The following SPG11 variants were observed in gnomAD, a reference collection of about 807,000 sequenced individuals.
SPG11 encodes the protein spatacsin.
SPG11 carries 222 observed loss-of-function variants against 274.0 expected under a neutral mutation model. The observed-to-expected ratio is 0.81, with a 90% CI of 0.73 to 0.91. The LOEUF (loss-of-function observed/expected upper bound fraction) is 0.91. Ranked by LOEUF, SPG11 falls within the 40% of genes least tolerant of loss-of-function variation. SPG11 has a pLI of 0.00. For synonymous variants in SPG11, 1,144 were observed against 1,039.7 expected, an observed-to-expected ratio of 1.10 and a Z score of -1.93; for missense variants, 3,114 against 2,872.7, an observed-to-expected ratio of 1.08 and a Z score of -1.92.
Position 44,657,152 on chromosome 15 carries a change from G to T in SPG11, c.812C>A (p.Ala271Glu). 3.7e-6 allele frequency: 6 copies of T among 1,614,184 alleles called. No homozygotes were observed. The highest frequency in any genetic ancestry group is 5.1e-6 in the Non-Finnish European group (6 of 1,180,024). ...SLKVSQDLDV[A>E]VIVSSSNSAV... The stretch of plus-strand genomic sequence containing the variant: ...GGAGTTGGAGGAGCTGACAATCACT[G>T]CAACATCGAGGTCTTGAGAAACTTT... Residue 271 changes from alanine to glutamate, a missense_variant, in exon 4 of 40, where the codon GCA becomes GAA. By Grantham distance (107) the Ala-to-Glu change is moderately radical (BLOSUM62 -1). Coordinates refer to ENST00000261866, the MANE Select transcript of SPG11 (RefSeq NM_025137.4).
At chr15:44,580,078 A>T (rs1247538332) in intron 30 of SPG11, among the ~76,000 whole-genome samples, 1 of 152,236 alleles carries the variant, frequency 6.6e-6, no homozygotes, top group African/African-American at 2.4e-5. Context: ...TACCATTTAA[A>T]AAAATTTTTT....
At chr15:44,604,034 T>G (rs1345862613) in intron 20 of SPG11, 1 of 345,854 alleles carries the variant, frequency 2.9e-6, no homozygotes, top group African/African-American at 2.2e-5. Context: ...TCTTAACCAC[T>G]TACTACCTAT....
intron 7 of SPG11, among the ~76,000 whole-genome samples, chr15:44,636,934 A>AAAAAC (rs1567180435): frequency 6.5e-5 from 8 of 122,434 alleles, no homozygotes; most frequent in South Asian, 2.7e-4. Flanking sequence ...TCAAAAAAAA[A>AAAAAC]AAAAAAAAAA....
chr15:44,601,178 TC>T (rs1003075306), intron 20 of SPG11, among the ~76,000 whole-genome samples: 11 of 152,090 alleles, frequency 7.2e-5, no homozygotes, highest in African/African-American at 2.4e-4. Flanking sequence ...AGTGTGAGAT[TC>T]CTGGTCTTGA....
At chr15:44,618,062 G>A (rs2083635610) in intron 15 of SPG11, among the ~76,000 whole-genome samples, 1 of 152,086 alleles carries the variant, frequency 6.6e-6, no homozygotes, top group Admixed American at 6.5e-5. Context: ...TAACCGCTGG[G>A]ATTTTTACTG....
rs1334291456 is a variant in SPG11, at chr15:44,613,417, A to G, written c.3145+13T>C. 2.6e-6 allele frequency: 4 copies of G among 1,559,860 alleles called. No individual in the cohort carries two copies. Among genetic ancestry groups the G allele is most frequent in the Admixed American group, 3.3e-5 (2 of 59,928 alleles). On this transcript the variant is annotated intron_variant, in intron 17 of 39. Coordinates refer to ENST00000261866, the MANE Select transcript of SPG11 (RefSeq NM_025137.4). The stretch of plus-strand genomic sequence containing the variant: ...CAAAGCAAGTTTCTGTGTTTAATAC[A>G]GTATACCCATACCTGTTAAGTTACT...
At chr15:44,598,493 A>C in intron 22 of SPG11, 120 bp from the exon 23 acceptor site, 1 of 1,252,238 alleles carries the variant, frequency 8.0e-7, no homozygotes, top group Non-Finnish European at 1.2e-6. Flanking sequence ...CAAGAAAGTG[A>C]GACAAAGAAC....
rs748048928 is a variant in SPG11 at position 44,621,934 on chromosome 15, C to T, written c.2445G>A (p.Arg815=). Reference sequence around the variant, plus strand: ...AAAAATCTTGTTCCTTTATCCAGTACCTAAAAACAGTGATATAAATTTTTT... The same window carrying T: ...AAAAATCTTGTTCCTTTATCCAGTATCTAAAAACAGTGATATAAATTTTTT... The part of the protein sequence containing the change: ...QENMQIQSFP[R]YWIKEQDFFK... Residue 815 remains arginine (R), a splice_region_variant and synonymous_variant, in exon 14 of 40, where the codon AGG becomes AGA. Coordinates refer to ENST00000261866, the MANE Select transcript of SPG11 (RefSeq NM_025137.4). The T allele has an allele frequency of 2.8e-5, 45 of 1,605,866 alleles. No homozygotes were observed. The highest frequency in any genetic ancestry group is 3.8e-5 in the Non-Finnish European group (45 of 1,177,130).
Position 44,657,459 on chromosome 15 carries a change from A to C in SPG11, c.668-163T>G, listed in dbSNP as rs550764533. Among the ~76,000 whole-genome samples, 116 of 152,286 alleles carry C rather than the reference A, an allele frequency of 7.6e-4. 1 individual carries two copies. Among genetic ancestry groups the C allele is most frequent in the African/African-American group, 2.7e-3 (111 of 41,564 alleles). ...CCCCCATTATAACAACCAGATGACT[A>C]TGAAGTTGATGCCACAATAAAGAAC... On this transcript the variant is annotated intron_variant, in intron 3 of 39. Transcript: ENST00000261866.
At chr15:44,565,470 A>G (rs1390503654) in intron 38 of SPG11, among the ~76,000 whole-genome samples, 1 of 152,138 alleles carries the variant, frequency 6.6e-6, no homozygotes, top group Non-Finnish European at 1.5e-5. Flanking sequence ...TAGTCCTGTC[A>G]CTGATCTGAC....
intron 7 of SPG11, among the ~76,000 whole-genome samples, chr15:44,644,908 T>A (rs1381731661): frequency 1.3e-5 from 2 of 152,144 alleles, no homozygotes; most frequent in African/African-American, 2.4e-5. Flanking sequence ...AGAACAATGC[T>A]GAAAGAAATC....
chr15:44,570,563 C>G lies in SPG11; in HGVS notation c.6439G>C (p.Asp2147His). 6.2e-7 allele frequency: 1 copy of G among 1,614,154 alleles called. No homozygotes were observed. Among genetic ancestry groups the G allele is most frequent in the East Asian group, 2.2e-5 (1 of 44,882 alleles). Residue 2147 changes from aspartate to histidine, a missense_variant, in exon 34 of 40, where the codon GAT (aspartate) becomes CAT (histidine). Transcript: ENST00000261866. ...RVLQAAHMLT[D>H]NHLAPSEEYG... Reference sequence around the variant, plus strand: ...TCCTCACTGGGGGCCAGGTGGTTATCTGTGAGCATGTGGGCGGCCTGTAGG... The same window carrying G: ...TCCTCACTGGGGGCCAGGTGGTTATGTGTGAGCATGTGGGCGGCCTGTAGG...
chr15:44,595,540 T>C, intron 25 of SPG11, 81 bp from the exon 26 acceptor site: 1 of 1,427,630 alleles, frequency 7.0e-7, no homozygotes, highest in Non-Finnish European at 9.7e-7. Flanking sequence ...TATTTCCTGT[T>C]TAGAATAAGT....
chr15:44,627,357 T>C (rs1333990163), intron 10 of SPG11, among the ~76,000 whole-genome samples: 2 of 152,210 alleles, frequency 1.3e-5, no homozygotes, highest in African/African-American at 4.8e-5. Context: ...TTAAGCCATG[T>C]ATAAAATTTT....
intron 1 of SPG11, 107 bp from the exon 2 acceptor site, chr15:44,660,723 G>T: frequency 9.9e-7 from 1 of 1,008,854 alleles, no homozygotes; most frequent in Non-Finnish European, 1.5e-6. Context: ...TAGTTGACCT[G>T]GTATAGTCAT....
intron 19 of SPG11, 55 bp from the exon 20 acceptor site, chr15:44,606,146 TA>T (rs978085628): frequency 1.1e-5 from 16 of 1,513,278 alleles, no homozygotes; most frequent in South Asian, 2.3e-5. Context: ...ATAAAATAGG[TA>T]AAAAAAATTA....
chr15:44,566,926 C>G (rs1291677766), intron 36 of SPG11, among the ~76,000 whole-genome samples: 3 of 152,042 alleles, frequency 2.0e-5, no homozygotes, highest in Non-Finnish European at 4.4e-5. Flanking sequence ...TGGTGTTGAA[C>G]TCCTGAGCTC....
intron 30 of SPG11, 42 bp downstream of exon 30, chr15:44,583,772 G>A: frequency 6.2e-7 from 1 of 1,613,526 alleles, no homozygotes. Flanking sequence ...AGTGCTAACA[G>A]TGCCATTTAA....
At chr15:44,652,567 G>C (rs1012544158) in intron 4 of SPG11, among the ~76,000 whole-genome samples, 1 of 151,980 alleles carries the variant, frequency 6.6e-6, no homozygotes, top group Non-Finnish European at 1.5e-5. Context: ...AACCCTGTGA[G>C]GTAAATATAA....
Sources: gnomAD v4.1 joint callset for allele counts (sites outside exome capture counted in the v4.1 genomes callset) on GRCh38, gnomAD v4.1.1 for gene constraint, MANE v1.5 for transcripts, NCBI Gene and HGNC (gene_info 2026-07-23, HGNC 2026-07-21) for gene names.